PSTPIP1: variants seen among roughly 807,000 people sequenced by gnomAD.
PSTPIP1 encodes proline-serine-threonine phosphatase interacting protein 1, also known as proline-serine-threonine phosphatase-interacting protein 1.
A neutral mutation model predicts 69.6 loss-of-function variants in PSTPIP1; 66 were observed. The observed-to-expected ratio is 0.95, with a 90% CI of 0.78 to 1.16. The LOEUF is 1.16. PSTPIP1 is among the 50% of genes most tolerant of loss of function. PSTPIP1 has a pLI of 0.00. For synonymous variants in PSTPIP1, 266 were observed against 222.7 expected, an observed-to-expected ratio of 1.19 and a Z score of -1.73; for missense variants, 603 against 557.4, an observed-to-expected ratio of 1.08 and a Z score of -0.82.
chr15:77,028,727 G>C, intron 7 of PSTPIP1, 75 bp downstream of exon 7: 1 of 1,267,014 alleles, frequency 7.9e-7, no homozygotes, highest in Non-Finnish European at 1.1e-6. Flanking sequence ...GGGTGCCGTA[G>C]ACACCCCCAG....
intron 3 of PSTPIP1, 103 bp downstream of exon 3, chr15:77,018,634 A>C: frequency 7.9e-7 from 1 of 1,259,740 alleles, no homozygotes; most frequent in Non-Finnish European, 1.1e-6. Flanking sequence ...GGCTGGGCAG[A>C]ACCAGGGTAG....
At chr15:77,025,242 C>T in intron 3 of PSTPIP1, 42 bp from the exon 4 acceptor site, 2 of 1,577,478 alleles carry the variant, frequency 1.3e-6, no homozygotes, top group Non-Finnish European at 8.7e-7. Flanking sequence ...TAGGTTCCCG[C>T]TGTGCTCTCC....
intron 1 of PSTPIP1, among the ~76,000 whole-genome samples, chr15:77,014,645 C>T (rs939137371): frequency 6.6e-6 from 1 of 152,182 alleles, no homozygotes; most frequent in Non-Finnish European, 1.5e-5. Flanking sequence ...GAGTTATGGG[C>T]GTGAAAAGGG....
intron 5 of PSTPIP1, 52 bp downstream of exon 5, chr15:77,025,656 A>T: frequency 3.2e-6 from 4 of 1,237,550 alleles, no homozygotes; most frequent in African/African-American, 1.6e-5. Context: ...CCAGCCTCTC[A>T]GTTGCTGTGG....
Position 77,037,125 on chromosome 15 carries a change from G to A in PSTPIP1, c.1200G>A (p.Glu400=). Reference sequence around the variant, plus strand: ...GGGAGGATGGCTGGTGGACTGTGGAGAGGAACGGGCAGCGTGGCTTCGTCC... The same window carrying A: ...GGGAGGATGGCTGGTGGACTGTGGAAAGGAACGGGCAGCGTGGCTTCGTCC... ...LEGEDGWWTV[E]RNGQRGFVPG... is the part of the protein sequence containing the mutation. The change falls in exon 15 of 15, where the codon GAG becomes GAA. Residue 400 remains glutamate (E), a synonymous_variant. Coordinates refer to ENST00000558012, the MANE Select transcript of PSTPIP1 (RefSeq NM_003978.5). 3 of 1,612,360 alleles carry A rather than the reference G, an allele frequency of 1.9e-6. No homozygotes were observed. The highest frequency in any genetic ancestry group is 2.5e-6 in the Non-Finnish European group (3 of 1,179,712).
At chr15:77,018,673 T>C in intron 3 of PSTPIP1, 142 bp downstream of exon 3, 4 of 907,736 alleles carry the variant, frequency 4.4e-6, no homozygotes, top group Non-Finnish European at 6.5e-6. Flanking sequence ...TGCCTGGTTA[T>C]TGGGCATTCA....
chr15:77,000,313 G>A (rs1216394801), intron 1 of PSTPIP1, among the ~76,000 whole-genome samples: 1 of 152,042 alleles, frequency 6.6e-6, no homozygotes, highest in Non-Finnish European at 1.5e-5. Context: ...CATTTATGAG[G>A]CTACAGAGAA....
In PSTPIP1 at chr15:77,032,314, G is replaced by A. The variant is rs775811275; in HGVS notation, c.758G>A (p.Arg253Gln). 9 of 1,612,450 alleles carry A rather than the reference G, an allele frequency of 5.6e-6. No homozygotes were observed. The highest frequency in any genetic ancestry group is 1.3e-5 in the African/African-American group (1 of 74,938). The part of the protein sequence containing the change: ...VKDDELYEEV[R>Q]LTLEGCSIDA... ...CTGCCCCAGCTCTACGAGGAAGTGC[G>A]GCTGACGCTGGAAGGCTGCAGCATA... Residue 253 changes from arginine to glutamine, a missense_variant, in exon 11 of 15, where the codon CGG (arginine) becomes CAG (glutamine). Arg to Gln is a conservative substitution (Grantham distance 43). Coordinates refer to ENST00000558012, the MANE Select transcript of PSTPIP1 (RefSeq NM_003978.5).
intron 7 of PSTPIP1, 117 bp downstream of exon 7, chr15:77,028,769 C>T: frequency 9.1e-6 from 8 of 881,004 alleles, no homozygotes; most frequent in East Asian, 3.1e-5. Flanking sequence ...GCTGCTTAGC[C>T]CTCTCTGACC....
chr15:77,008,905 G>A (rs2075874694), intron 1 of PSTPIP1, among the ~76,000 whole-genome samples: 1 of 152,140 alleles, frequency 6.6e-6, no homozygotes, highest in Non-Finnish European at 1.5e-5. Context: ...AGAGCAGGGC[G>A]ATTTCCCAGA....
rs1337219981 is a variant in PSTPIP1, at chr15:77,032,385, G to C, written c.829G>C (p.Glu277Gln). The change falls in exon 11 of 15, where the codon GAG (glutamate) becomes CAG (glutamine). Residue 277 changes from glutamate (E) to glutamine (Q), a missense_variant. Glu to Gln is a conservative substitution (Grantham distance 29, BLOSUM62 2). Transcript: ENST00000558012. ...SFIQAKSTGTEPPAPVPYQNY... is the reference protein window; with the variant it reads ...SFIQAKSTGTQPPAPVPYQNY... Reference sequence around the variant, plus strand: ...CATCCAGGCCAAGAGCACGGGCACAGAGCCCCCCGGTGAGGTCCGGCTTGC... The same window carrying C: ...CATCCAGGCCAAGAGCACGGGCACACAGCCCCCCGGTGAGGTCCGGCTTGC... The C allele has an allele frequency of 1.2e-6, 2 of 1,612,692 alleles. No homozygotes were observed. The highest frequency in any genetic ancestry group is 1.7e-6 in the Non-Finnish European group (2 of 1,179,806).
rs1024677978 is a variant in PSTPIP1, at chr15:77,027,785, G to A, written c.355-67G>A. 108 of 1,539,678 alleles carry A rather than the reference G, an allele frequency of 7.0e-5. No individual in the cohort carries two copies. The highest frequency in any genetic ancestry group is 1.4e-4 in the Admixed American group (7 of 50,900). On this transcript the variant is annotated intron_variant, in intron 5 of 14. Transcript: ENST00000558012. The surrounding 1 kb of genome is among the most constrained non-coding windows in gnomAD (Gnocchi z 4.3). ...CTGCGCCTCATCCCAGGGACACTCC[G>A]TCCTCTTGGCCTAGGGGAGCCTCCC...
rs1596146930 is a variant in PSTPIP1, at chr15:77,037,332, C to T, written c.*156C>T. ...GGAATAAAGGAGTGCGTTCTGTTCT[C>T]CTTGGTGTGCTGGGGTCCCGTTCTC... On this transcript the variant is annotated 3_prime_UTR_variant, in exon 15 of 15. Coordinates refer to ENST00000558012, the MANE Select transcript of PSTPIP1 (RefSeq NM_003978.5). The T allele has an allele frequency of 2.9e-6, 2 of 693,266 alleles. No homozygotes were observed. The highest frequency in any genetic ancestry group is 4.2e-6 in the Non-Finnish European group (2 of 480,820). 42.9% of individuals were successfully genotyped at this position (693,266 alleles called of 1,614,324 possible).
rs538742934 is a variant in PSTPIP1 at position 77,037,397 on chromosome 15, G to A, written c.*221G>A. 9.9e-6 allele frequency: 5 copies of A among 506,426 alleles called. No individual in the cohort carries two copies. The highest frequency in any genetic ancestry group is 3.9e-5 in the African/African-American group (2 of 51,406). The allele number at this position is 506,426 out of a possible 1,614,324, so 31.4% of individuals were successfully genotyped here. ...CAGTGTCCGAGTGCTCAGTTCAGAG[G>A]AGGCAAAGGAACAAGGGAAGGAGCC... On this transcript the variant is annotated 3_prime_UTR_variant, in exon 15 of 15. Transcript: ENST00000558012.
intron 1 of PSTPIP1, among the ~76,000 whole-genome samples, chr15:77,005,152 G>A (rs2075790649): frequency 6.6e-6 from 1 of 152,150 alleles, no homozygotes; most frequent in Admixed American, 6.5e-5. Context: ...GGGAGGCCAA[G>A]GTGGGCAGAT....
chr15:77,007,180 C>T (rs931855370), intron 1 of PSTPIP1, among the ~76,000 whole-genome samples: 3 of 152,168 alleles, frequency 2.0e-5, no homozygotes, highest in Non-Finnish European at 4.4e-5. Context: ...CTTGAGGCCC[C>T]ACCTGCTCTC....
At chr15:77,031,321 T>G in intron 10 of PSTPIP1, 43 bp downstream of exon 10, 1 of 1,588,242 alleles carries the variant, frequency 6.3e-7, no homozygotes. Flanking sequence ...TAGGGCAGCC[T>G]CTAGGCAGCA....
intron 5 of PSTPIP1, among the ~76,000 whole-genome samples, chr15:77,026,870 G>A (rs2076291688): frequency 6.6e-6 from 1 of 152,262 alleles, no homozygotes. Context: ...CCCTCCTGTG[G>A]CCAGAGGAGC....
chr15:77,010,374 C>T (rs567028705), intron 1 of PSTPIP1, among the ~76,000 whole-genome samples: 77 of 152,328 alleles, frequency 5.1e-4, no homozygotes, highest in African/African-American at 1.8e-3. Flanking sequence ...CAATCCCTTC[C>T]CCTGAACCTG....
Sources: allele counts gnomAD v4.1 joint callset (sites outside exome capture counted in the v4.1 genomes callset), GRCh38; gene constraint gnomAD v4.1.1; non-coding constraint Gnocchi (gnomAD v3.1); transcripts MANE v1.5; gene names NCBI Gene and HGNC (gene_info 2026-07-23, HGNC 2026-07-21).